The following SCFD2 variants were observed in gnomAD, a reference collection of about 807,000 sequenced individuals.
SCFD2 encodes the protein sec1 family domain-containing protein 2.
SCFD2 carries 54 observed loss-of-function variants against 58.9 expected under a neutral mutation model. The observed-to-expected ratio is 0.92, with a 90% CI of 0.74 to 1.15. SCFD2 has a LOEUF of 1.15. Ranked by LOEUF, SCFD2 falls within the 50% of genes most tolerant of loss-of-function variation. The probability of loss-of-function intolerance (pLI) is 0.00; values close to 1 mark genes in which losing one functional copy is unlikely to be tolerated. For missense variants in SCFD2, 805 were observed against 836.6 expected, an observed-to-expected ratio of 0.96 and a Z score of 0.47; for synonymous variants, 321 against 335.9, an observed-to-expected ratio of 0.96 and a Z score of 0.49.
At chr4:53,062,768 TGAACA>T (rs1243985765) in intron 5 of SCFD2, among the ~76,000 whole-genome samples, 2 of 152,168 alleles carry the variant, frequency 1.3e-5, no homozygotes, top group African/African-American at 4.8e-5. Context: ...AAATTATGGC[TGAACA>T]GTGACACACA....
chr4:52,892,741 A>G (rs1577803208), intron 7 of SCFD2, among the ~76,000 whole-genome samples: 1 of 152,000 alleles, frequency 6.6e-6, no homozygotes, highest in Non-Finnish European at 1.5e-5. Context: ...TTTCTTATCC[A>G]TCTCCTTAAC....
intron 5 of SCFD2, among the ~76,000 whole-genome samples, chr4:52,931,494 G>C (rs1033565339): frequency 3.3e-5 from 5 of 152,324 alleles, no homozygotes; most frequent in Non-Finnish European, 5.9e-5. Flanking sequence ...GTTAATATTT[G>C]CTTACTTCTT....
In SCFD2 at chr4:53,027,996, C is replaced by T. The variant is rs1333797309; in HGVS notation, c.1562-107126G>A. On this transcript the variant is annotated intron_variant, in intron 5 of 8. Coordinates refer to ENST00000401642, the MANE Select transcript of SCFD2 (RefSeq NM_152540.4). ...GCATGGTGGCTCATGCCTGTAATCC[C>T]AGCACTTTGGGAGGCCGAGGCAGCC... Among the ~76,000 whole-genome samples the T allele has an allele frequency of 2.6e-5, 4 of 152,046 alleles. No homozygotes were observed. In the South Asian group the frequency reaches 6.2e-4, roughly 24 times the overall value.
intron 5 of SCFD2, among the ~76,000 whole-genome samples, chr4:53,042,003 T>C (rs1309976949): frequency 1.3e-5 from 2 of 152,132 alleles, no homozygotes; most frequent in Non-Finnish European, 2.9e-5. Context: ...GAATAAAACA[T>C]ATCTCAAATA....
At chr4:53,364,864 G>T (rs1366157095) in intron 1 of SCFD2, among the ~76,000 whole-genome samples, 3 of 152,102 alleles carry the variant, frequency 2.0e-5, no homozygotes, top group Admixed American at 2.0e-4. Context: ...AAGGCAATGG[G>T]CATTTATGAC....
chr4:53,147,617 C>A (rs1371489958), intron 4 of SCFD2, among the ~76,000 whole-genome samples: 1 of 152,182 alleles, frequency 6.6e-6, no homozygotes, highest in Non-Finnish European at 1.5e-5. Flanking sequence ...TTCCAAAGGA[C>A]CAGGGGGCCG....
intron 5 of SCFD2, among the ~76,000 whole-genome samples, chr4:53,094,447 G>T (rs1338153478): frequency 6.6e-6 from 1 of 151,944 alleles, no homozygotes; most frequent in Non-Finnish European, 1.5e-5. Context: ...ATTTCATAAG[G>T]ATGGTATGAG....
chr4:53,315,558 C>T (rs1732836975), intron 2 of SCFD2, among the ~76,000 whole-genome samples: 1 of 152,156 alleles, frequency 6.6e-6, no homozygotes, highest in South Asian at 2.1e-4. Context: ...TGAATACAGT[C>T]TTTATCATAA....
At chr4:53,028,883 A>G (rs2148817593) in intron 5 of SCFD2, among the ~76,000 whole-genome samples, 1 of 152,356 alleles carries the variant, frequency 6.6e-6, no homozygotes, top group African/African-American at 2.4e-5. Flanking sequence ...GGACCAGTGC[A>G]TAGTAAGCTG....
At chr4:53,364,957 T>C in intron 1 of SCFD2, 147 bp downstream of exon 1, 1 of 926,460 alleles carries the variant, frequency 1.1e-6, no homozygotes, top group South Asian at 1.8e-5. Flanking sequence ...CAATAAACTC[T>C]GTGAGATTAG....
rs138272595 is a variant in SCFD2 at position 53,208,993 on chromosome 4, C to T, written c.1312-63411G>A. ...AGTTTGAATTCCCTGCTCCTGTGCA[C>T]AGACTTAGGGTAGAGGATTAAGACA... On this transcript the variant is annotated intron_variant, in intron 4 of 8. Transcript: ENST00000401642. 2.1e-3 allele frequency among the ~76,000 whole-genome samples: 314 copies of T among 152,216 alleles called. 5 individuals carry two copies. Among genetic ancestry groups the T allele is most frequent in the Admixed American group, 3.7e-3 (56 of 15,290 alleles).
At chr4:53,201,765 C>G (rs910456741) in intron 4 of SCFD2, among the ~76,000 whole-genome samples, 11 of 152,208 alleles carry the variant, frequency 7.2e-5, no homozygotes, top group African/African-American at 2.7e-4. Flanking sequence ...TTGCATTTCT[C>G]TGATGGCCAG....
At chr4:53,225,679 T>G (rs1366006746) in intron 4 of SCFD2, among the ~76,000 whole-genome samples, 1 of 152,270 alleles carries the variant, frequency 6.6e-6, no homozygotes, top group African/African-American at 2.4e-5. Context: ...TTAATGAATT[T>G]GCTATTATGA....
intron 5 of SCFD2, among the ~76,000 whole-genome samples, chr4:52,976,306 C>T (rs1721259860): frequency 6.6e-6 from 1 of 152,152 alleles, no homozygotes; most frequent in African/African-American, 2.4e-5. Context: ...GTAATACCTA[C>T]CTGGCAGGTG....
chr4:52,910,628 G>A (rs1719461961), intron 6 of SCFD2, among the ~76,000 whole-genome samples: 1 of 152,108 alleles, frequency 6.6e-6, no homozygotes, highest in Non-Finnish European at 1.5e-5. Context: ...AATACACATA[G>A]GCTGTCATAT....
intron 7 of SCFD2, among the ~76,000 whole-genome samples, chr4:52,899,229 A>T (rs1719112632): frequency 6.6e-6 from 1 of 152,166 alleles, no homozygotes; most frequent in South Asian, 2.1e-4. Flanking sequence ...TAGTTGATGC[A>T]GTTTCTTCCT....
chr4:53,061,096 AT>A (rs1193391282), intron 5 of SCFD2, among the ~76,000 whole-genome samples: 6 of 152,222 alleles, frequency 3.9e-5, no homozygotes, highest in Non-Finnish European at 8.8e-5. Flanking sequence ...TCTTTAAAAT[AT>A]GCCACAATTT....
At chr4:53,030,611 G>C (rs183596675) in intron 5 of SCFD2, among the ~76,000 whole-genome samples, 1 of 152,028 alleles carries the variant, frequency 6.6e-6, no homozygotes, top group Non-Finnish European at 1.5e-5. Context: ...TAGTAGAGAC[G>C]GAGTTTCACC....
At chr4:52,946,640 T>C (rs1330317067) in intron 5 of SCFD2, among the ~76,000 whole-genome samples, 2 of 152,166 alleles carry the variant, frequency 1.3e-5, no homozygotes, top group Non-Finnish European at 2.9e-5. Flanking sequence ...ATTAATTATG[T>C]TTCTGTAGTT....
Sources: allele counts gnomAD v4.1 joint callset (sites outside exome capture counted in the v4.1 genomes callset), GRCh38; gene constraint gnomAD v4.1.1; transcripts MANE v1.5; gene names NCBI Gene and HGNC (gene_info 2026-07-23, HGNC 2026-07-21).